The following RYR2 variants were observed in gnomAD, a reference collection of about 807,000 sequenced individuals.
RYR2 encodes the protein ryanodine receptor 2.
In RYR2, 227 loss-of-function variants were observed where a neutral mutation model predicts 601.1. That is an observed-to-expected ratio of 0.38 (90% CI 0.34 to 0.42). The LOEUF (loss-of-function observed/expected upper bound fraction) is 0.42. Among genes scored for constraint, RYR2 ranks in the 10% least tolerant of loss-of-function variants. RYR2 has a pLI of 1.00. For synonymous variants in RYR2, 2,223 were observed against 2,175.1 expected (o/e 1.02, Z -0.61); for missense variants, 4,646 against 6,156.5 (o/e 0.75, Z 8.21).
chr1:237,483,063 G>C (rs372742019), intron 17 of RYR2, among the ~76,000 whole-genome samples: 2 of 151,930 alleles, frequency 1.3e-5, no homozygotes, highest in East Asian at 1.9e-4. Context: ...CTCTCGCCAA[G>C]GTCTAACAGG....
chr1:237,165,928 C>T (rs1676665370), intron 1 of RYR2, among the ~76,000 whole-genome samples: 1 of 152,074 alleles, frequency 6.6e-6, no homozygotes, highest in African/African-American at 2.4e-5. Context: ...GCCAGGAGTT[C>T]AAAGCTGCAG....
At chr1:237,170,876 G>A (rs564623818) in intron 1 of RYR2, among the ~76,000 whole-genome samples, 1 of 152,130 alleles carries the variant, frequency 6.6e-6, no homozygotes, top group South Asian at 2.1e-4. Context: ...AGTAAGTGTA[G>A]GCATCTGCGT....
rs765066834 is a variant in RYR2 at position 237,786,051 on chromosome 1, C to T, written c.13328+15C>T. 2.0e-6 allele frequency: 3 copies of T among 1,524,236 alleles called. No individual in the cohort carries two copies. The Admixed American group carries it at 5.6e-5, about 29-fold the overall frequency. 94.4% of individuals were successfully genotyped at this position (1,524,236 alleles called of 1,614,324 possible). On this transcript the variant is annotated intron_variant, in intron 91 of 104. Coordinates refer to ENST00000366574, the MANE Select transcript of RYR2 (RefSeq NM_001035.3). ...GAAAAAGCCGAGTATGTATAGTTTG[C>T]ATATACTTTTCCTTCGTTTCAGTTT...
At chr1:237,430,394 A>C (rs1473766142) in intron 12 of RYR2, among the ~76,000 whole-genome samples, 1 of 151,874 alleles carries the variant, frequency 6.6e-6, no homozygotes, top group Non-Finnish European at 1.5e-5. Context: ...ATTTTAATGT[A>C]ATCTATTGTT....
chr1:237,347,186 G>T (rs958779190), intron 3 of RYR2, among the ~76,000 whole-genome samples: 3 of 152,026 alleles, frequency 2.0e-5, no homozygotes, highest in Non-Finnish European at 2.9e-5. Context: ...AGCTGGACGT[G>T]GTGGTGCGCA....
At chr1:237,706,861 C>T in intron 67 of RYR2, 88 bp from the exon 68 acceptor site, 1 of 1,177,778 alleles carries the variant, frequency 8.5e-7, no homozygotes, top group Non-Finnish European at 1.2e-6. Flanking sequence ...ATTTTGAAGT[C>T]CAAAATGAAA....
intron 16 of RYR2, among the ~76,000 whole-genome samples, chr1:237,463,662 G>C (rs1273884120): frequency 6.6e-6 from 1 of 152,130 alleles, no homozygotes; most frequent in Non-Finnish European, 1.5e-5. Context: ...GCAACATAAA[G>C]AGACCCTGTC....
intron 17 of RYR2, among the ~76,000 whole-genome samples, chr1:237,475,925 C>CA (rs11422004): frequency 0.5 from 75,853 of 152,014 alleles, 20,047 homozygotes; most frequent in East Asian, 0.7. Flanking sequence ...ATTGAAAAGA[C>CA]AAAGATTGGT....
intron 1 of RYR2, among the ~76,000 whole-genome samples, chr1:237,236,715 A>G (rs1472715580): frequency 6.6e-6 from 1 of 152,192 alleles, no homozygotes; most frequent in East Asian, 1.9e-4. Context: ...GATTGAGTGT[A>G]AGCAATTTAA....
At chr1:237,822,804 A>G (rs554536105) in intron 101 of RYR2, among the ~76,000 whole-genome samples, 1 of 152,234 alleles carries the variant, frequency 6.6e-6, no homozygotes, top group East Asian at 1.9e-4. Flanking sequence ...GCAAAGACAC[A>G]CATGGGCTTA....
intron 1 of RYR2, among the ~76,000 whole-genome samples, chr1:237,147,488 C>G (rs1478272959): frequency 6.6e-6 from 1 of 152,172 alleles, no homozygotes; most frequent in African/African-American, 2.4e-5. Context: ...GAGCCCCTCA[C>G]AATTCACGTT....
At chr1:237,436,601 C>T (rs768725301) in intron 12 of RYR2, among the ~76,000 whole-genome samples, 6 of 150,816 alleles carry the variant, frequency 4.0e-5, no homozygotes, top group Admixed American at 3.3e-4. Context: ...GGCTGCAGTG[C>T]GGCACCATAA....
intron 79 of RYR2, among the ~76,000 whole-genome samples, chr1:237,738,426 G>A (rs997756958): frequency 2.0e-5 from 3 of 152,012 alleles, no homozygotes; most frequent in Non-Finnish European, 4.4e-5. Flanking sequence ...TATCCTATGG[G>A]CTTCTCATTA....
intron 2 of RYR2, among the ~76,000 whole-genome samples, chr1:237,321,393 G>GT (rs1037281385): frequency 6.6e-6 from 1 of 151,926 alleles, no homozygotes; most frequent in Non-Finnish European, 1.5e-5. Flanking sequence ...ATACTTCATT[G>GT]TTTTTTAAAT....
intron 2 of RYR2, among the ~76,000 whole-genome samples, chr1:237,275,192 A>AT (rs971284004): frequency 4.6e-5 from 7 of 151,408 alleles, no homozygotes; most frequent in Non-Finnish European, 1.0e-4. Context: ...TATTTATAGT[A>AT]TTTTTTAATT....
At chr1:237,063,664 TC>T (rs1663170253) in intron 1 of RYR2, among the ~76,000 whole-genome samples, 1 of 152,132 alleles carries the variant, frequency 6.6e-6, no homozygotes, top group Non-Finnish European at 1.5e-5. Context: ...CAGTCAGAAT[TC>T]ATGTAGATTT....
At chr1:237,061,117 A>G (rs892345771) in intron 1 of RYR2, among the ~76,000 whole-genome samples, 1 of 152,166 alleles carries the variant, frequency 6.6e-6, no homozygotes, top group East Asian at 1.9e-4. Flanking sequence ...ATGATGGGGA[A>G]CACCTGCTTT....
chr1:237,631,502 G>C lies in RYR2; in HGVS notation c.6516G>C (p.Met2172Ile). Reference sequence around the variant, plus strand: ...CACTGGGGATGCACGAGACTGTGATGGAGGTCATGGTGAACGTCCTTGGAG... The same window carrying C: ...CACTGGGGATGCACGAGACTGTGATCGAGGTCATGGTGAACGTCCTTGGAG... ...MRALGMHETV[M>I]EVMVNVLGGG... Residue 2172 changes from methionine to isoleucine, a missense_variant, in exon 42 of 105, where the codon ATG becomes ATC. Physicochemically the swap from Met to Ile is conservative, Grantham distance 10. Coordinates refer to ENST00000366574, the MANE Select transcript of RYR2 (RefSeq NM_001035.3). The C allele has an allele frequency of 6.2e-7, 1 of 1,612,190 alleles. No individual in the cohort carries two copies. The highest frequency in any genetic ancestry group is 2.2e-5 in the East Asian group (1 of 44,788).
At chr1:237,774,566 C>G (rs117327818) in intron 87 of RYR2, among the ~76,000 whole-genome samples, 2 of 152,042 alleles carry the variant, frequency 1.3e-5, no homozygotes, top group Non-Finnish European at 2.9e-5. Flanking sequence ...GGAAGAGGAA[C>G]CTTATTTCAG....
Sources: allele counts gnomAD v4.1 joint callset (sites outside exome capture counted in the v4.1 genomes callset), GRCh38; gene constraint gnomAD v4.1.1; transcripts MANE v1.5; gene names NCBI Gene and HGNC (gene_info 2026-07-23, HGNC 2026-07-21).